The following NSUN6 variants were observed in gnomAD, a reference collection of about 807,000 sequenced individuals.
The protein encoded by NSUN6 is NOP2/Sun RNA methyltransferase 6, also known as tRNA (cytosine(72)-C(5))-methyltransferase NSUN6.
NSUN6 carries 64 observed loss-of-function variants against 58.0 expected under a neutral mutation model. The observed-to-expected ratio is 1.10, with a 90% CI of 0.90 to 1.36. The LOEUF (loss-of-function observed/expected upper bound fraction) is 1.36, where lower values mean the gene tolerates loss of function less well. NSUN6 is among the 40% of genes most tolerant of loss of function. The pLI is 0.00. For synonymous variants in NSUN6, 231 were observed against 193.9 expected (o/e 1.19, Z -1.59); for missense variants, 701 against 550.1 (o/e 1.27, Z -2.74).
intron 8 of NSUN6, among the ~76,000 whole-genome samples, chr10:18,555,136 T>C (rs1349718866): frequency 1.4e-5 from 2 of 144,316 alleles, no homozygotes; most frequent in East Asian, 2.1e-4. Context: ...GAGAATGTAA[T>C]GTAATGGAGA....
chr10:18,555,973 G>A (rs1396140209), intron 8 of NSUN6, among the ~76,000 whole-genome samples: 1 of 149,146 alleles, frequency 6.7e-6, no homozygotes, highest in Non-Finnish European at 1.5e-5. Flanking sequence ...ATGGAATGGA[G>A]AATTAAATAG....
chr10:18,586,602 G>T (rs1300297194), intron 7 of NSUN6, among the ~76,000 whole-genome samples: 1 of 147,666 alleles, frequency 6.8e-6, no homozygotes, highest in Non-Finnish European at 1.5e-5. Flanking sequence ...AGAGTTGTTT[G>T]TTCCTCCCAG....
intron 3 of NSUN6, among the ~76,000 whole-genome samples, chr10:18,632,431 T>C: frequency 6.9e-6 from 1 of 145,072 alleles, no homozygotes; most frequent in Non-Finnish European, 1.5e-5. Context: ...AAAGAGCTTC[T>C]GCACAGCAAA....
intron 8 of NSUN6, among the ~76,000 whole-genome samples, chr10:18,558,175 T>C (rs2055190199): frequency 6.7e-6 from 1 of 148,366 alleles, no homozygotes; most frequent in African/African-American, 2.5e-5. Flanking sequence ...GAGAATGGAA[T>C]GGAATGGAAT....
intron 2 of NSUN6, among the ~76,000 whole-genome samples, chr10:18,645,813 A>C (rs184155901): frequency 1.1e-3 from 166 of 152,318 alleles, no homozygotes; most frequent in African/African-American, 3.8e-3. Flanking sequence ...CAAAGAGATC[A>C]TATTATTTAC....
At chr10:18,552,663 C>A (rs1309892502) in intron 8 of NSUN6, among the ~76,000 whole-genome samples, 1 of 151,840 alleles carries the variant, frequency 6.6e-6, no homozygotes, top group Non-Finnish European at 1.5e-5. Context: ...CCATTCTATT[C>A]CATTCTCCAT....
At chr10:18,568,578 TCCATTGCATTCCATTCCACATTCAAATCC>T (rs1268211335) in intron 8 of NSUN6, among the ~76,000 whole-genome samples, 2 of 151,164 alleles carry the variant, frequency 1.3e-5, no homozygotes, top group Non-Finnish European at 3.0e-5. Context: ...CATTCCCCTT[TCCATTGCATTCCATTCCACATTCAAATCC>T]CCATTGCATT....
chr10:18,619,424 A>G (rs575582579), intron 3 of NSUN6, among the ~76,000 whole-genome samples: 34 of 152,296 alleles, frequency 2.2e-4, no homozygotes, highest in Middle Eastern at 3.4e-3. Flanking sequence ...GGTATTTCTC[A>G]CCCTTACTAT....
chr10:18,600,125 T>C (rs1351383416), intron 6 of NSUN6, among the ~76,000 whole-genome samples: 1 of 152,004 alleles, frequency 6.6e-6, no homozygotes, highest in Non-Finnish European at 1.5e-5. Flanking sequence ...AAAGCCCCCA[T>C]CACAATGTGA....
chr10:18,658,400 T>C, upstream of NSUN6: 1 of 152,308 alleles, frequency 6.6e-6, no homozygotes, highest in Non-Finnish European at 1.5e-5. Context: ...AGTCAGAGTC[T>C]AAAAAAATTT....
At chr10:18,565,528 C>T (rs1288199406) in intron 8 of NSUN6, among the ~76,000 whole-genome samples, 3 of 150,280 alleles carry the variant, frequency 2.0e-5, no homozygotes, top group Admixed American at 6.7e-5. Context: ...TTTTCCATTA[C>T]ATTACATTCT....
intron 4 of NSUN6, among the ~76,000 whole-genome samples, chr10:18,615,539 C>T (rs1299167766): frequency 6.6e-6 from 1 of 152,130 alleles, no homozygotes. Flanking sequence ...AAGGAAAAAA[C>T]CATTCTTAGC....
Position 18,596,358 on chromosome 10 carries a change from A to C in NSUN6, c.658-31T>G, listed in dbSNP as rs543770256. 2.1e-5 allele frequency: 30 copies of C among 1,458,550 alleles called. No homozygotes were observed. The East Asian group carries it at 2.5e-4, about 12-fold the overall frequency. 90.4% of individuals were successfully genotyped at this position (1,458,550 alleles called of 1,614,324 possible). On this transcript the variant is annotated intron_variant, in intron 6 of 10. Coordinates refer to ENST00000377304, the MANE Select transcript of NSUN6 (RefSeq NM_182543.5). ...AGGAAAAAAATGTAATCGATTATCA[A>C]TAATCCTAAAGCATTTTTAATTTGA...
At chr10:18,559,298 G>A (rs186584371) in intron 8 of NSUN6, among the ~76,000 whole-genome samples, 154 of 150,298 alleles carry the variant, frequency 1.0e-3, no homozygotes, top group African/African-American at 2.9e-3. Context: ...ATGGAATGGA[G>A]AATGGAATGA....
chr10:18,597,908 C>G (rs369668851), intron 6 of NSUN6, among the ~76,000 whole-genome samples: 11 of 152,184 alleles, frequency 7.2e-5, no homozygotes, highest in Admixed American at 5.9e-4. Flanking sequence ...ATTTCTTCCT[C>G]TGAATATATG....
upstream of NSUN6, among the ~76,000 whole-genome samples, chr10:18,656,054 G>A (rs767872965): frequency 2.0e-5 from 3 of 152,082 alleles, no homozygotes; most frequent in East Asian, 1.9e-4. Flanking sequence ...TACACTTTTC[G>A]TAATGATAGG....
At chr10:18,625,148 T>C (rs1465049955) in intron 3 of NSUN6, among the ~76,000 whole-genome samples, 1 of 152,176 alleles carries the variant, frequency 6.6e-6, no homozygotes, top group Non-Finnish European at 1.5e-5. Flanking sequence ...ATGCCTCTTT[T>C]CCCTTGCTGG....
intron 8 of NSUN6, among the ~76,000 whole-genome samples, chr10:18,581,214 G>C (rs773088105): frequency 1.2e-4 from 18 of 152,122 alleles, no homozygotes; most frequent in Non-Finnish European, 1.9e-4. Context: ...GTAAAATAAG[G>C]CTGAGACCTA....
At chr10:18,547,099 A>G (rs924977064) in intron 10 of NSUN6, among the ~76,000 whole-genome samples, 5 of 152,192 alleles carry the variant, frequency 3.3e-5, no homozygotes, top group Admixed American at 2.6e-4. Flanking sequence ...AAAAACAAAC[A>G]TAAGAAAGGA....
Sources: gnomAD v4.1 joint callset for allele counts (sites outside exome capture counted in the v4.1 genomes callset) on GRCh38, gnomAD v4.1.1 for gene constraint, MANE v1.5 for transcripts, NCBI Gene and HGNC (gene_info 2026-07-23, HGNC 2026-07-21) for gene names.